The following GALNTL6 variants were observed in gnomAD, a reference collection of about 807,000 sequenced individuals.
GALNTL6 encodes the protein polypeptide N-acetylgalactosaminyltransferase-like 6.
Under a neutral mutation model 73.7 loss-of-function variants are expected in GALNTL6, and 46 were observed. The observed-to-expected ratio is 0.62, with a 90% CI of 0.49 to 0.80. GALNTL6 has a LOEUF of 0.80. Among genes scored for constraint, GALNTL6 ranks in the 30% least tolerant of loss-of-function variants. The pLI is 0.00. For missense variants in GALNTL6, 604 were observed against 755.0 expected, an observed-to-expected ratio of 0.80 and a Z score of 2.34; for synonymous variants, 259 against 263.7, an observed-to-expected ratio of 0.98 and a Z score of 0.17.
intron 4 of GALNTL6, 109 bp downstream of exon 4, chr4:172,311,861 C>G (rs1740376504): frequency 1.3e-6 from 1 of 744,270 alleles, no homozygotes; most frequent in Non-Finnish European, 2.0e-6. Flanking sequence ...ATATTTTATC[C>G]TAATAATTTT....
intron 2 of GALNTL6, among the ~76,000 whole-genome samples, chr4:172,199,914 A>C (rs1735899822): frequency 6.6e-6 from 1 of 152,156 alleles, no homozygotes. Context: ...TTGAATTATT[A>C]TTTCCAAATA....
intron 5 of GALNTL6, among the ~76,000 whole-genome samples, chr4:172,377,736 A>C (rs1267995624): frequency 6.6e-6 from 1 of 152,126 alleles, no homozygotes; most frequent in Non-Finnish European, 1.5e-5. Flanking sequence ...GTAGGCTGGC[A>C]GTGCTGGGGT....
intron 2 of GALNTL6, among the ~76,000 whole-genome samples, chr4:172,013,738 A>C (rs1251224322): frequency 1.3e-5 from 2 of 152,050 alleles, no homozygotes; most frequent in South Asian, 4.1e-4. Flanking sequence ...TTATTTATAA[A>C]TGTAAAACTA....
chr4:172,176,122 A>G (rs28498830), intron 2 of GALNTL6, among the ~76,000 whole-genome samples: 9,809 of 151,762 alleles, frequency 0.065, 513 homozygotes, highest in African/African-American at 0.15. Context: ...GGCGGATCAC[A>G]AGGTCAGGAG....
chr4:172,487,803 A>G (rs1733752867), intron 5 of GALNTL6, among the ~76,000 whole-genome samples: 1 of 152,192 alleles, frequency 6.6e-6, no homozygotes, highest in Non-Finnish European at 1.5e-5. Flanking sequence ...TGTAACAAAT[A>G]TGATAAATAC....
chr4:171,969,370 A>G (rs1185876930), intron 2 of GALNTL6, among the ~76,000 whole-genome samples: 1 of 152,212 alleles, frequency 6.6e-6, no homozygotes, highest in Non-Finnish European at 1.5e-5. Context: ...ATTTGATTCC[A>G]CAAGGCCTGA....
chr4:172,983,913 C>T (rs992035943), intron 10 of GALNTL6, among the ~76,000 whole-genome samples: 1 of 151,030 alleles, frequency 6.6e-6, no homozygotes, highest in Non-Finnish European at 1.5e-5. Flanking sequence ...CCTGAGACAT[C>T]TCCCGGTTGA....
chr4:172,182,335 T>G (rs938464257), intron 2 of GALNTL6, among the ~76,000 whole-genome samples: 1 of 152,140 alleles, frequency 6.6e-6, no homozygotes, highest in Non-Finnish European at 1.5e-5. Context: ...TCAGAATTTC[T>G]TGAGCTGGGA....
At position 171,813,493 on chromosome 4, in the gene GALNTL6, GCTC is replaced by G. The variant is rs1431713719; in HGVS notation, c.-660_-658del. The G allele has an allele frequency of 1.3e-5, 2 of 152,356 alleles. No individual in the cohort carries two copies. Among genetic ancestry groups the G allele is most frequent in the Admixed American group, 1.3e-4 (2 of 15,286 alleles). The allele number at this position is 152,356 out of a possible 1,614,324, so 9.4% of individuals were successfully genotyped here. On this transcript the variant is annotated 5_prime_UTR_variant, in exon 1 of 13. Coordinates refer to ENST00000506823, the MANE Select transcript of GALNTL6 (RefSeq NM_001034845.3). This position sits in a 1 kb window ranked among gnomAD's most constrained non-coding sequence, Gnocchi z 5.2. Reference sequence around the variant, plus strand: ...CAGCCGCGGCGCATCTCCGCCTTCCGCTCCTCCTCGCAGCGCCCTCGTCCGCTT... The same window carrying G: ...CAGCCGCGGCGCATCTCCGCCTTCCGCTCCTCGCAGCGCCCTCGTCCGCTT...
Position 172,377,719 on chromosome 4 carries a change from G to A in GALNTL6, c.553+29030G>A, listed in dbSNP as rs116417113. Among the ~76,000 whole-genome samples the A allele has an allele frequency of 8.3e-3, 1,267 of 152,226 alleles. 15 individuals carry two copies. The highest frequency in any genetic ancestry group is 0.029 in the African/African-American group (1,190 of 41,540). ...TGAGGCCTGGCAAGAATTCTAGTGC[G>A]GCACGGGTAGGCTGGCAGTGCTGGG... On this transcript the variant is annotated intron_variant, in intron 5 of 12. Coordinates refer to ENST00000506823, the MANE Select transcript of GALNTL6 (RefSeq NM_001034845.3).
intron 2 of GALNTL6, among the ~76,000 whole-genome samples, chr4:172,062,813 A>T (rs1731250747): frequency 6.6e-6 from 1 of 152,240 alleles, no homozygotes; most frequent in South Asian, 2.1e-4. Context: ...ATCTCCTGCC[A>T]AGTCCCCCTA....
chr4:172,598,856 T>C (rs1304524162), intron 5 of GALNTL6, among the ~76,000 whole-genome samples: 2 of 152,290 alleles, frequency 1.3e-5, no homozygotes, highest in East Asian at 3.9e-4. Context: ...CTTTATCAAC[T>C]ATATCATCAA....
At chr4:172,481,999 G>A (rs1229085344) in intron 5 of GALNTL6, among the ~76,000 whole-genome samples, 1 of 152,190 alleles carries the variant, frequency 6.6e-6, no homozygotes, top group African/African-American at 2.4e-5. Context: ...AGACATGGTG[G>A]GCTGCAAGCC....
intron 5 of GALNTL6, among the ~76,000 whole-genome samples, chr4:172,430,069 ATG>A (rs950175189): frequency 1.3e-5 from 2 of 151,714 alleles, no homozygotes; most frequent in African/African-American, 4.8e-5. Context: ...CAAAATATAT[ATG>A]TGTGTGTATA....
rs550779432 is a variant in GALNTL6, at chr4:172,918,086, G to C, written c.1042-13075G>C. ...ATGCAGCCATAAAAAGGATGAGTTT[G>C]TAGGGACATGGATGAAGCTGGAAAC... On this transcript the variant is annotated intron_variant, in intron 8 of 12. Coordinates refer to ENST00000506823, the MANE Select transcript of GALNTL6 (RefSeq NM_001034845.3). Among the ~76,000 whole-genome samples, 5 of 151,296 alleles carry C rather than the reference G, an allele frequency of 3.3e-5. No homozygotes were observed. The East Asian group carries it at 7.8e-4, about 24-fold the overall frequency.
chr4:172,405,433 ATATATATATATTTTTTTTTT>A lies in GALNTL6; in HGVS notation c.553+56746_553+56765del, dbSNP rs1488189836. Among the ~76,000 whole-genome samples the A allele has an allele frequency of 4.1e-3, 26 of 6,418 alleles. 1 individual carries two copies. Among genetic ancestry groups the A allele is most frequent in the Middle Eastern group, 0.17 (1 of 6 alleles). The allele number at this position is 6,418 out of a possible 152,430, so 4.2% of individuals were successfully genotyped here. ...TATATATATATATATATATATATAT[ATATATATATATTTTTTTTTT>A]TTTTTTTTTTTTTCTCCTTGCATTG... On this transcript the variant is annotated intron_variant, in intron 5 of 12. Coordinates refer to ENST00000506823, the MANE Select transcript of GALNTL6 (RefSeq NM_001034845.3).
chr4:171,898,207 CTT>C (rs1028330669), intron 2 of GALNTL6, among the ~76,000 whole-genome samples: 2 of 151,932 alleles, frequency 1.3e-5, no homozygotes, highest in African/African-American at 2.4e-5. Context: ...AATAAAAAGA[CTT>C]ATAATACCAA....
At chr4:172,182,076 T>C (rs1190013936) in intron 2 of GALNTL6, among the ~76,000 whole-genome samples, 1 of 152,054 alleles carries the variant, frequency 6.6e-6, no homozygotes, top group Non-Finnish European at 1.5e-5. Flanking sequence ...GGATACAAAA[T>C]CAATGTGCAA....
intron 2 of GALNTL6, among the ~76,000 whole-genome samples, chr4:171,949,011 T>A (rs1738786544): frequency 6.6e-6 from 1 of 151,102 alleles, no homozygotes; most frequent in African/African-American, 2.4e-5. Context: ...ACTCACTGAG[T>A]TGACATGACA....
Sources: allele counts gnomAD v4.1 joint callset (sites outside exome capture counted in the v4.1 genomes callset), GRCh38; gene constraint gnomAD v4.1.1; non-coding constraint Gnocchi (gnomAD v3.1); transcripts MANE v1.5; gene names NCBI Gene and HGNC (gene_info 2026-07-23, HGNC 2026-07-21).